Variants in EPHB1 observed in about 807,000 individuals in gnomAD.
The protein encoded by EPHB1 is EPH receptor B1, also known as ephrin type-B receptor 1.
Under a neutral mutation model 94.4 loss-of-function variants are expected in EPHB1, and 30 were observed. That is an observed-to-expected ratio of 0.32 (90% CI 0.24 to 0.43). The LOEUF (loss-of-function observed/expected upper bound fraction) is 0.43, where lower values mean the gene tolerates loss of function less well. Among genes scored for constraint, EPHB1 ranks in the 20% least tolerant of loss-of-function variants. The pLI, the probability that EPHB1 is intolerant of heterozygous loss-of-function variation, is 1.00. For synonymous variants in EPHB1, 522 were observed against 489.1 expected, an observed-to-expected ratio of 1.07 and a Z score of -0.89; for missense variants, 1,055 against 1,308.3, an observed-to-expected ratio of 0.81 and a Z score of 2.99.
intron 7 of EPHB1, among the ~76,000 whole-genome samples, chr3:135,163,563 G>T (rs1453640843): frequency 1.3e-5 from 2 of 152,062 alleles, no homozygotes; most frequent in East Asian, 3.9e-4. Flanking sequence ...TTCCTTAAGG[G>T]CTCTGTCCTC....
chr3:134,919,913 G>A (rs1560296947), intron 1 of EPHB1, among the ~76,000 whole-genome samples: 1 of 152,012 alleles, frequency 6.6e-6, no homozygotes, highest in Non-Finnish European at 1.5e-5. Flanking sequence ...TGAAGGGGAC[G>A]GGGGTGGTCT....
At chr3:135,103,606 T>C (rs114614198) in intron 3 of EPHB1, among the ~76,000 whole-genome samples, 60 of 152,374 alleles carry the variant, frequency 3.9e-4, no homozygotes, top group Admixed American at 1.8e-3. Context: ...TTCATACACC[T>C]TTTATGCAGA....
At chr3:135,110,004 T>C (rs905890110) in intron 4 of EPHB1, among the ~76,000 whole-genome samples, 1 of 152,168 alleles carries the variant, frequency 6.6e-6, no homozygotes, top group Non-Finnish European at 1.5e-5. Flanking sequence ...CCCCGCACCA[T>C]GTTGCAGGGC....
intron 1 of EPHB1, among the ~76,000 whole-genome samples, chr3:134,908,914 T>C (rs1210134102): frequency 6.6e-6 from 1 of 151,350 alleles, no homozygotes; most frequent in African/African-American, 2.4e-5. Flanking sequence ...AGGGAACAGA[T>C]AGAGAGATGA....
chr3:135,152,755 T>C (rs1026197521), intron 5 of EPHB1, among the ~76,000 whole-genome samples: 17 of 152,140 alleles, frequency 1.1e-4, no homozygotes, highest in Admixed American at 3.3e-4. Context: ...CTGCTCTCAT[T>C]CATTGGCTGG....
intron 3 of EPHB1, among the ~76,000 whole-genome samples, chr3:135,008,353 T>C (rs36065): frequency 0.34 from 52,175 of 152,142 alleles, 11,348 homozygotes; most frequent in African/African-American, 0.61. Flanking sequence ...CAGATGAGGA[T>C]GCTGAAGCAC....
intron 3 of EPHB1, among the ~76,000 whole-genome samples, chr3:135,087,244 T>C (rs1243281117): frequency 6.6e-6 from 1 of 152,172 alleles, no homozygotes; most frequent in African/African-American, 2.4e-5. Context: ...AATTTGGGAA[T>C]CGAATACCTG....
At chr3:134,935,466 A>T (rs1048236003) in intron 2 of EPHB1, among the ~76,000 whole-genome samples, 1 of 152,204 alleles carries the variant, frequency 6.6e-6, no homozygotes, top group Admixed American at 6.5e-5. Context: ...AGTATGAAGG[A>T]TCATGCCCAG....
chr3:134,903,411 C>A (rs966527710), intron 1 of EPHB1, among the ~76,000 whole-genome samples: 20 of 152,358 alleles, frequency 1.3e-4, no homozygotes, highest in African/African-American at 4.6e-4. Context: ...CTGGCCTCTT[C>A]AGCAGTGTGC....
chr3:134,826,779 G>A (rs2036487369), intron 1 of EPHB1, among the ~76,000 whole-genome samples: 1 of 152,154 alleles, frequency 6.6e-6, no homozygotes, highest in African/African-American at 2.4e-5. Flanking sequence ...AGGGAAGAGG[G>A]CAAGAGTCAT....
At chr3:135,079,073 AC>A (rs1382850238) in intron 3 of EPHB1, among the ~76,000 whole-genome samples, 2 of 146,322 alleles carry the variant, frequency 1.4e-5, no homozygotes, top group African/African-American at 5.5e-5. Context: ...TCATGGACAT[AC>A]GTAAAAACAA....
chr3:135,196,919 T>C (rs1004574541), intron 11 of EPHB1, among the ~76,000 whole-genome samples: 7 of 152,110 alleles, frequency 4.6e-5, no homozygotes, highest in African/African-American at 1.7e-4. Context: ...TCCTTCTTGA[T>C]ACTCAAATTC....
At chr3:134,904,264 T>C (rs1199286020) in intron 1 of EPHB1, among the ~76,000 whole-genome samples, 1 of 152,266 alleles carries the variant, frequency 6.6e-6, no homozygotes, top group Non-Finnish European at 1.5e-5. Context: ...GTTTGCTTTT[T>C]CTTGGTTTAA....
intron 3 of EPHB1, among the ~76,000 whole-genome samples, chr3:135,096,273 G>A (rs1938756545): frequency 6.6e-6 from 1 of 152,210 alleles, no homozygotes; most frequent in Admixed American, 6.5e-5. Context: ...GGGGGGCTGA[G>A]GGTCAAAGTT....
At chr3:134,994,999 T>TGG (rs1476233492) in intron 3 of EPHB1, among the ~76,000 whole-genome samples, 3 of 151,846 alleles carry the variant, frequency 2.0e-5, no homozygotes, top group African/African-American at 4.8e-5. Flanking sequence ...TGTGTGTGTG[T>TGG]GTGTGTGTGT....
At chr3:135,223,419 T>C (rs747432505) in intron 12 of EPHB1, among the ~76,000 whole-genome samples, 15 of 152,218 alleles carry the variant, frequency 9.9e-5, no homozygotes, top group Non-Finnish European at 2.9e-5. Context: ...ATGAGTTCAG[T>C]ATTTGAAAAG....
At chr3:135,108,805 C>G (rs1939323480) in intron 4 of EPHB1, among the ~76,000 whole-genome samples, 1 of 152,152 alleles carries the variant, frequency 6.6e-6, no homozygotes, top group Non-Finnish European at 1.5e-5. Context: ...TCCCTCAAAC[C>G]TAGGCCAGGT....
At chr3:134,921,254 C>T (rs945330310) in intron 1 of EPHB1, among the ~76,000 whole-genome samples, 4 of 152,154 alleles carry the variant, frequency 2.6e-5, no homozygotes, top group African/African-American at 9.7e-5. Context: ...TTAGGAGTCA[C>T]TCTCCCGTCT....
rs1224169151 is a variant in EPHB1, at chr3:134,951,023, A to G, written c.124-348A>G. On this transcript the variant is annotated intron_variant, in intron 2 of 15. Transcript: ENST00000398015. The surrounding 1 kb of genome is among the most constrained non-coding windows in gnomAD (Gnocchi z 4.5). ...TTGGCTTTTAGAGCAGGTACTGTGG[A>G]AGTGAGGAAGAAAGTCCCTGCCATC... 2.0e-5 allele frequency among the ~76,000 whole-genome samples: 3 copies of G among 152,130 alleles called. No homozygotes were observed. Among genetic ancestry groups the G allele is most frequent in the African/African-American group, 4.8e-5 (2 of 41,416 alleles).
Sources: gnomAD v4.1 joint callset for allele counts (sites outside exome capture counted in the v4.1 genomes callset) on GRCh38, gnomAD v4.1.1 for gene constraint, Gnocchi (gnomAD v3.1) non-coding constraint, MANE v1.5 for transcripts, NCBI Gene and HGNC (gene_info 2026-07-23, HGNC 2026-07-21) for gene names.